Variants in KRT8 observed in about 807,000 individuals in gnomAD.
The protein encoded by KRT8 is keratin, type II cytoskeletal 8.
In KRT8, 24 loss-of-function variants were observed where a neutral mutation model predicts 43.0. That is an observed-to-expected ratio of 0.56 (90% CI 0.40 to 0.78). The LOEUF (loss-of-function observed/expected upper bound fraction) is 0.78. Among genes scored for constraint, KRT8 ranks in the 30% least tolerant of loss-of-function variants. KRT8 has a pLI of 0.00. For missense variants in KRT8, 492 were observed against 638.4 expected, an observed-to-expected ratio of 0.77 and a Z score of 2.47; for synonymous variants, 214 against 261.2, an observed-to-expected ratio of 0.82 and a Z score of 1.74.
chr12:52,902,609 C>T (rs1399036754), intron 1 of KRT8, among the ~76,000 whole-genome samples: 1 of 152,100 alleles, frequency 6.6e-6, no homozygotes, highest in Non-Finnish European at 1.5e-5. Context: ...AGGATGGTCT[C>T]GAACTCCTGA....
At chr12:52,898,803 G>C in exon 6 of KRT8, 1 of 1,614,234 alleles carries the variant, frequency 6.2e-7, no homozygotes, top group Non-Finnish European at 8.5e-7. Context: ...GCCCGCTGCA[G>C]GGCGGCCTCC....
At chr12:52,916,613 A>G (rs1332686480) in intron 2 of KRT8, among the ~76,000 whole-genome samples, 1 of 152,166 alleles carries the variant, frequency 6.6e-6, no homozygotes, top group Non-Finnish European at 1.5e-5. Context: ...CCCAGAGTAG[A>G]TGCTCCAGAG....
chr12:52,920,427 A>C (rs944264408), intron 2 of KRT8, among the ~76,000 whole-genome samples: 2 of 151,996 alleles, frequency 1.3e-5, no homozygotes, highest in African/African-American at 4.8e-5. Context: ...GAGAAACCCC[A>C]TCTCTACTAA....
intron 2 of KRT8, among the ~76,000 whole-genome samples, chr12:52,938,175 T>G (rs1401269094): frequency 1.3e-5 from 1 of 75,042 alleles, no homozygotes; most frequent in African/African-American, 6.1e-5. Flanking sequence ...TATATATTTT[T>G]TTTTTTTTTT....
intron 2 of KRT8, among the ~76,000 whole-genome samples, chr12:52,940,586 G>A (rs1942251359): frequency 1.3e-5 from 2 of 151,788 alleles, no homozygotes; most frequent in Admixed American, 6.6e-5. Flanking sequence ...AGGAGGTGTG[G>A]GGGTGAGCAA....
intron 2 of KRT8, among the ~76,000 whole-genome samples, chr12:52,942,800 T>C (rs1942287828): frequency 6.6e-6 from 1 of 152,010 alleles, no homozygotes; most frequent in African/African-American, 2.4e-5. Flanking sequence ...GCTGTTGGGA[T>C]CTCAAGACCA....
At chr12:52,949,178 G>C (rs369198778) in intron 2 of KRT8, 7 of 1,611,468 alleles carry the variant, frequency 4.3e-6, no homozygotes, top group Admixed American at 1.7e-5. Context: ...GACAGCATGA[G>C]CTTCACCACT....
At chr12:52,918,185 A>AAGAAGAAGAAGAAGAAGG (rs1941801898) in intron 2 of KRT8, among the ~76,000 whole-genome samples, 2 of 112,310 alleles carry the variant, frequency 1.8e-5, no homozygotes, top group African/African-American at 7.7e-5. Context: ...GAAGAGGAAG[A>AAGAAGAAGAAGAAGAAGG]AGAAGAAGAA....
Position 52,902,322 on chromosome 12 carries a change from G to A in KRT8, c.325-250C>T, listed in dbSNP as rs114044947. 2.6e-3 allele frequency: 1,356 copies of A among 526,986 alleles called. 13 individuals carry two copies. The highest frequency in any genetic ancestry group is 0.023 in the African/African-American group (1,213 of 52,346). The allele number at this position is 526,986 out of a possible 1,614,324, so 32.6% of individuals were successfully genotyped here. A position where few individuals can be genotyped will look rare whatever the true frequency, so the allele number is the denominator to read the frequency against. On this transcript the variant is annotated intron_variant, in intron 1 of 7. Coordinates refer to ENST00000692008, the Ensembl canonical transcript of KRT8. ...AGACAGGTAAGGTAATTATGTTAAA[G>A]CTGCATTTGCAAACCAATAGGCCTA...
In KRT8 at chr12:52,918,036, G is replaced by GAGAAGAAGA. The variant is rs71092792; in HGVS notation, c.-46-13018_-46-13010dup. 9.9e-3 allele frequency among the ~76,000 whole-genome samples: 1,116 copies of GAGAAGAAGA among 113,192 alleles called. 100 individuals are homozygous for GAGAAGAAGA. The East Asian group carries it at 0.17, about 17-fold the overall frequency. 74.3% of individuals were successfully genotyped at this position (113,192 alleles called of 152,430 possible). A position where few individuals can be genotyped will look rare whatever the true frequency, so the allele number is the denominator to read the frequency against. ...AGAAGGAGAAGAAGAAGAGGAGGAG[G>GAGAAGAAGA]AGAAGAAGAAGAAGAGGAAGAAGAA... On this transcript the variant is annotated intron_variant, in intron 2 of 6. Coordinates refer to the KRT8 transcript ENST00000546826.
At chr12:52,919,149 AC>A (rs1353885558) in intron 2 of KRT8, among the ~76,000 whole-genome samples, 1 of 152,206 alleles carries the variant, frequency 6.6e-6, no homozygotes, top group Non-Finnish European at 1.5e-5. Context: ...AGCCCTGCCT[AC>A]TGACGCCCAC....
chr12:52,924,218 G>A (rs933358237), intron 2 of KRT8, among the ~76,000 whole-genome samples: 1 of 152,072 alleles, frequency 6.6e-6, no homozygotes, highest in African/African-American at 2.4e-5. Context: ...GGAGGCTGAG[G>A]CAGACAGATC....
At position 52,933,571 on chromosome 12, in the gene KRT8, T is replaced by C. The variant is rs138721367; in HGVS notation, c.-47+15885A>G. Among the ~76,000 whole-genome samples the C allele has an allele frequency of 5.0e-3, 755 of 152,290 alleles. 7 individuals are homozygous for C. Among genetic ancestry groups the C allele is most frequent in the African/African-American group, 0.018 (734 of 41,570 alleles). Reference sequence around the variant, plus strand: ...GAAACTAACAAACCGATTCTAATAATGTAGACAAAAAAGCAAAGGGCCTAG... The same window carrying C: ...GAAACTAACAAACCGATTCTAATAACGTAGACAAAAAAGCAAAGGGCCTAG... On this transcript the variant is annotated intron_variant, in intron 2 of 6. Transcript: ENST00000546826.
At chr12:52,914,541 A>G (rs1190753933) in intron 2 of KRT8, among the ~76,000 whole-genome samples, 1 of 152,162 alleles carries the variant, frequency 6.6e-6, no homozygotes, top group Non-Finnish European at 1.5e-5. Context: ...CCGTCTCAAA[A>G]ACAAACAAAA....
At chr12:52,926,367 TCTCCTGAAGCAC>T in intron 2 of KRT8, 1 of 648,558 alleles carries the variant, frequency 1.5e-6, no homozygotes, top group Non-Finnish European at 2.3e-6. Flanking sequence ...TGTGCCCTCC[TCTCCTGAAGCAC>T]CTCCTTGTCA....
At chr12:52,904,313 A>C (rs1430262886) in intron 1 of KRT8, among the ~76,000 whole-genome samples, 2 of 152,120 alleles carry the variant, frequency 1.3e-5, no homozygotes. Context: ...ATTATTTTTT[A>C]TAATTTGGGG....
At chr12:52,923,348 T>C (rs1941924452) in intron 2 of KRT8, among the ~76,000 whole-genome samples, 1 of 152,188 alleles carries the variant, frequency 6.6e-6, no homozygotes, top group Non-Finnish European at 1.5e-5. Context: ...AAGTTACTGC[T>C]CCTCTCTGAG....
At chr12:52,909,144 G>T (rs1941581815), upstream of KRT8, among the ~76,000 whole-genome samples, 6 of 152,332 alleles carry the variant, frequency 3.9e-5, no homozygotes, top group South Asian at 1.2e-3. Context: ...GCTCAACAAA[G>T]TTGTAACAAA....
At chr12:52,897,609 C>A in exon 8 of KRT8, 1 of 1,598,146 alleles carries the variant, frequency 6.3e-7, no homozygotes, top group Non-Finnish European at 8.5e-7. Context: ...ATAGGCCGAG[C>A]TCAGACCACC....
Sources: allele counts gnomAD v4.1 joint callset (sites outside exome capture counted in the v4.1 genomes callset), GRCh38; gene constraint gnomAD v4.1.1; transcripts MANE v1.5; gene names NCBI Gene and HGNC (gene_info 2026-07-23, HGNC 2026-07-21).